PDE7B: variants seen among roughly 807,000 people sequenced by gnomAD.
The protein encoded by PDE7B is phosphodiesterase 7B, also known as 3',5'-cyclic-AMP phosphodiesterase 7B.
In PDE7B, 29 loss-of-function variants were observed where a neutral mutation model predicts 56.2. The ratio of observed to expected loss-of-function variants is 0.52; its 90% CI spans 0.38 to 0.70. The LOEUF (loss-of-function observed/expected upper bound fraction) is 0.70. Ranked by LOEUF, PDE7B falls within the 30% of genes least tolerant of loss-of-function variation. The probability of loss-of-function intolerance (pLI) is 0.00; values close to 1 mark genes in which losing one functional copy is unlikely to be tolerated. For missense variants in PDE7B, 490 were observed against 565.0 expected (o/e 0.87, Z 1.35); for synonymous variants, 197 against 196.9 (o/e 1.00, Z 0.00).
intron 2 of PDE7B, among the ~76,000 whole-genome samples, chr6:136,095,182 C>G (rs1376533485): frequency 3.3e-5 from 5 of 152,036 alleles, no homozygotes; most frequent in African/African-American, 1.2e-4. Flanking sequence ...TTTGATAACA[C>G]CCTTTAATTC....
intron 3 of PDE7B, among the ~76,000 whole-genome samples, chr6:136,114,226 A>G (rs1379833328): frequency 2.0e-5 from 3 of 152,220 alleles, no homozygotes; most frequent in African/African-American, 7.2e-5. Flanking sequence ...AGGTCATTTT[A>G]GTAGAGCTAC....
At chr6:135,877,601 A>G (rs1466176720) in intron 1 of PDE7B, among the ~76,000 whole-genome samples, 1 of 152,092 alleles carries the variant, frequency 6.6e-6, no homozygotes, top group Non-Finnish European at 1.5e-5. Context: ...TTGGCTTCTA[A>G]TTGGACAATA....
At chr6:136,076,601 G>T (rs543109509) in intron 2 of PDE7B, among the ~76,000 whole-genome samples, 1 of 152,104 alleles carries the variant, frequency 6.6e-6, no homozygotes, top group East Asian at 1.9e-4. Context: ...GAATTGGTTC[G>T]AAGTCTTTAT....
chr6:136,122,785 G>A (rs1386134399), intron 3 of PDE7B, among the ~76,000 whole-genome samples: 2 of 152,164 alleles, frequency 1.3e-5, no homozygotes. Flanking sequence ...CACTAAGGAA[G>A]TAGAGAGGTT....
intron 1 of PDE7B, among the ~76,000 whole-genome samples, chr6:135,896,570 T>C (rs1775905867): frequency 6.6e-6 from 1 of 152,130 alleles, no homozygotes; most frequent in South Asian, 2.1e-4. Flanking sequence ...TTTACATATA[T>C]TTGCTGTGAT....
chr6:136,110,900 G>C, intron 3 of PDE7B: 1 of 152,226 alleles, frequency 6.6e-6, no homozygotes, highest in East Asian at 1.9e-4. Context: ...AGATCCTCCA[G>C]GACTTCTGAG....
chr6:135,873,282 A>C (rs1775423760), intron 1 of PDE7B, among the ~76,000 whole-genome samples: 1 of 152,202 alleles, frequency 6.6e-6, no homozygotes, highest in East Asian at 1.9e-4. Context: ...ATGACATGAC[A>C]GACACAAATA....
At chr6:136,083,203 G>A (rs557488765) in intron 2 of PDE7B, among the ~76,000 whole-genome samples, 2 of 152,142 alleles carry the variant, frequency 1.3e-5, no homozygotes, top group African/African-American at 2.4e-5. Context: ...GAGAACAGTC[G>A]GAAGACTGAG....
intron 1 of PDE7B, among the ~76,000 whole-genome samples, chr6:135,905,283 C>G (rs1272631653): frequency 6.6e-6 from 1 of 151,134 alleles, no homozygotes; most frequent in African/African-American, 2.4e-5. Flanking sequence ...TAAAATAGTC[C>G]CGTTTTTTAG....
intron 8 of PDE7B, among the ~76,000 whole-genome samples, chr6:136,157,860 G>A (rs1050192567): frequency 6.6e-6 from 1 of 152,200 alleles, no homozygotes; most frequent in Non-Finnish European, 1.5e-5. Context: ...CAGAATAACT[G>A]AAAATGGAAT....
chr6:136,063,404 A>C (rs1313406269), intron 2 of PDE7B, among the ~76,000 whole-genome samples: 1 of 152,224 alleles, frequency 6.6e-6, no homozygotes, highest in Non-Finnish European at 1.5e-5. Context: ...GGAACTATGT[A>C]TACTCATTAA....
At chr6:136,066,404 A>G (rs1442107736) in intron 2 of PDE7B, among the ~76,000 whole-genome samples, 2 of 152,288 alleles carry the variant, frequency 1.3e-5, no homozygotes, top group Non-Finnish European at 2.9e-5. Flanking sequence ...ATGAAACGTT[A>G]TTGATGCTCC....
rs781475504 is a variant in PDE7B, at chr6:136,155,978, G to A, written c.711+220G>A. 1.3e-5 allele frequency: 9 copies of A among 681,744 alleles called. No homozygotes were observed. The South Asian group carries it at 1.4e-4, about 10-fold the overall frequency. The allele number at this position is 681,744 out of a possible 1,614,324, so 42.2% of individuals were successfully genotyped here. On this transcript the variant is annotated intron_variant, in intron 8 of 12. Coordinates refer to ENST00000308191, the MANE Select transcript of PDE7B (RefSeq NM_018945.4). ...AATCCCAGTTTGAAAGAGGTTTGAG[G>A]AATTAGCTCATGTCGATACAATTGT...
rs534796496 is a variant in PDE7B, at chr6:135,868,595, G to A, written c.21+16576G>A. Reference sequence around the variant, plus strand: ...TACAGGCAGGTGTCACCATGCACAGGTAATTTTTGTATTTTTAGTAGAGAC... The same window carrying A: ...TACAGGCAGGTGTCACCATGCACAGATAATTTTTGTATTTTTAGTAGAGAC... On this transcript the variant is annotated intron_variant, in intron 1 of 12. Coordinates refer to ENST00000308191, the MANE Select transcript of PDE7B (RefSeq NM_018945.4). Among the ~76,000 whole-genome samples, 7 of 152,196 alleles carry A rather than the reference G, an allele frequency of 4.6e-5. No homozygotes were observed. The East Asian group carries it at 1.4e-3, about 29-fold the overall frequency.
intron 3 of PDE7B, among the ~76,000 whole-genome samples, chr6:136,142,050 G>T (rs1778335717): frequency 6.6e-6 from 1 of 152,196 alleles, no homozygotes; most frequent in South Asian, 2.1e-4. Context: ...TGATGTTAGG[G>T]TATCAGTTTT....
intron 2 of PDE7B, among the ~76,000 whole-genome samples, chr6:136,089,844 G>A (rs112319412): frequency 0.016 from 2,507 of 152,298 alleles, 36 homozygotes; most frequent in Non-Finnish European, 0.025. Flanking sequence ...ACTTCTTTGT[G>A]TGTGTCTTTT....
intron 1 of PDE7B, among the ~76,000 whole-genome samples, chr6:135,877,281 T>C (rs1044988312): frequency 6.6e-6 from 1 of 151,986 alleles, no homozygotes; most frequent in Non-Finnish European, 1.5e-5. Context: ...ATTTACTTCT[T>C]TTTCATGTCA....
chr6:136,046,650 G>A (rs531605686), intron 2 of PDE7B, among the ~76,000 whole-genome samples: 107 of 152,272 alleles, frequency 7.0e-4, no homozygotes, highest in African/African-American at 2.5e-3. Flanking sequence ...AGGGTATCAG[G>A]AGTAGACTTT....
At chr6:135,934,091 C>T (rs573557246) in intron 1 of PDE7B, among the ~76,000 whole-genome samples, 1 of 152,094 alleles carries the variant, frequency 6.6e-6, no homozygotes, top group Non-Finnish European at 1.5e-5. Context: ...AGCGTAAGTA[C>T]TAATAAAAAT....
Sources: allele counts gnomAD v4.1 joint callset (sites outside exome capture counted in the v4.1 genomes callset), GRCh38; gene constraint gnomAD v4.1.1; transcripts MANE v1.5; gene names NCBI Gene and HGNC (gene_info 2026-07-23, HGNC 2026-07-21).